DAB2IP: variants seen among roughly 807,000 people sequenced by gnomAD.
DAB2IP encodes the protein DAB2 interacting protein, also known as disabled homolog 2-interacting protein.
Under a neutral mutation model 107.2 loss-of-function variants are expected in DAB2IP, and 28 were observed. The observed-to-expected ratio is 0.26, with a 90% CI of 0.19 to 0.36. DAB2IP has a LOEUF of 0.36. Among genes scored for constraint, DAB2IP ranks in the 10% least tolerant of loss-of-function variants. The pLI is 1.00. For synonymous variants in DAB2IP, 755 were observed against 706.4 expected (o/e 1.07, Z -1.09); for missense variants, 1,400 against 1,644.7 (o/e 0.85, Z 2.57).
At chr9:121,682,231 G>A (rs950604381) in intron 2 of DAB2IP, among the ~76,000 whole-genome samples, 1 of 152,198 alleles carries the variant, frequency 6.6e-6, no homozygotes, top group African/African-American at 2.4e-5. Context: ...TTTGCTCTGT[G>A]TAGACCCTCG....
exon 13 of DAB2IP, chr9:121,774,340 C>G (rs199878545): frequency 1.2e-6 from 2 of 1,613,088 alleles, no homozygotes; most frequent in Non-Finnish European, 1.7e-6. Context: ...TGTTAGAAGA[C>G]GAGGGCCTGG....
intron 9 of DAB2IP, 74 bp downstream of exon 9, chr9:121,766,804 T>A (rs1834320233): frequency 1.1e-5 from 16 of 1,470,314 alleles, no homozygotes; most frequent in Non-Finnish European, 1.4e-5. Flanking sequence ...GGGGTGTTTC[T>A]GCCCCCAAGC....
intron 1 of DAB2IP, among the ~76,000 whole-genome samples, chr9:121,580,775 C>A (rs1440148219): frequency 6.6e-6 from 1 of 152,200 alleles, no homozygotes; most frequent in African/African-American, 2.4e-5. Context: ...CAGGCGCCAA[C>A]CACCACGCCC....
At chr9:121,595,280 G>A (rs1830505552) in intron 1 of DAB2IP, among the ~76,000 whole-genome samples, 2 of 151,686 alleles carry the variant, frequency 1.3e-5, no homozygotes, top group Admixed American at 6.6e-5. Flanking sequence ...AACACTGTGT[G>A]TCTCCTATCC....
rs572528255 is a variant in DAB2IP at position 121,743,123 on chromosome 9, G to A, written c.363-13890G>A. Among the ~76,000 whole-genome samples the A allele has an allele frequency of 3.5e-3, 526 of 152,264 alleles. 6 individuals are homozygous for A. The highest frequency in any genetic ancestry group is 3.6e-3 in the Non-Finnish European group (246 of 68,020). On this transcript the variant is annotated intron_variant, in intron 3 of 15. Coordinates refer to ENST00000408936, the Ensembl canonical transcript of DAB2IP. ...CAGCTGACTTGCATGAAGTCCTGGC[G>A]AGCTGGGGAGCCCTTGCACCCTCAG... is the stretch of plus-strand genomic sequence containing the variant.
At chr9:121,763,954 TG>T in intron 8 of DAB2IP, 75 bp downstream of exon 8, 1 of 1,566,082 alleles carries the variant, frequency 6.4e-7, no homozygotes, top group Non-Finnish European at 8.7e-7. Flanking sequence ...ACCCGCAGTG[TG>T]CCTGATGCTG....
intron 3 of DAB2IP, among the ~76,000 whole-genome samples, chr9:121,703,329 C>G (rs1267449607): frequency 6.6e-6 from 1 of 152,182 alleles, no homozygotes; most frequent in Non-Finnish European, 1.5e-5. Flanking sequence ...CAGGACTGGG[C>G]ACCCAAGTCT....
intron 1 of DAB2IP, among the ~76,000 whole-genome samples, chr9:121,656,779 C>T (rs538095795): frequency 6.6e-6 from 1 of 152,354 alleles, no homozygotes; most frequent in African/African-American, 2.4e-5. Flanking sequence ...TGATACTATC[C>T]TCATTTCATA....
chr9:121,781,597 G>A, intron 15 of DAB2IP, 46 bp downstream of exon 15: 1 of 1,580,026 alleles, frequency 6.3e-7, no homozygotes, highest in Non-Finnish European at 8.6e-7. Context: ...TAAAGGGCCT[G>A]GGATTAGGAG....
intron 1 of DAB2IP, among the ~76,000 whole-genome samples, chr9:121,642,037 T>TC (rs1832362760): frequency 5.9e-5 from 1 of 16,942 alleles, no homozygotes; most frequent in Non-Finnish European, 1.2e-4. Context: ...CTCTCTTTCT[T>TC]TCTTTCTTTC....
intron 3 of DAB2IP, among the ~76,000 whole-genome samples, chr9:121,712,301 C>T (rs151010563): frequency 2.0e-5 from 3 of 152,344 alleles, no homozygotes; most frequent in East Asian, 3.9e-4. Context: ...ATTCTTCTTG[C>T]TTTCTGTGGT....
At chr9:121,571,043 GCC>G (rs1344486133) in intron 1 of DAB2IP, among the ~76,000 whole-genome samples, 1 of 151,282 alleles carries the variant, frequency 6.6e-6, no homozygotes, top group Non-Finnish European at 1.5e-5. Context: ...CCTTCCTCAC[GCC>G]CCCAAGCTGT....
chr9:121,711,855 T>A (rs1449019898), intron 3 of DAB2IP, among the ~76,000 whole-genome samples: 3 of 151,930 alleles, frequency 2.0e-5, no homozygotes, highest in African/African-American at 7.3e-5. Flanking sequence ...GTGTAGGGGT[T>A]TATTCCCCTT....
intron 1 of DAB2IP, among the ~76,000 whole-genome samples, chr9:121,642,785 C>T (rs1361205197): frequency 6.6e-6 from 1 of 152,070 alleles, no homozygotes; most frequent in African/African-American, 2.4e-5. Flanking sequence ...TAATGAACAT[C>T]TGAATACACA....
Position 121,768,833 on chromosome 9 carries a change from A to C in DAB2IP, c.1899+200A>C, listed in dbSNP as rs535348935. Among the ~76,000 whole-genome samples the C allele has an allele frequency of 2.0e-5, 3 of 152,312 alleles. No homozygotes were observed. In the South Asian group the frequency reaches 6.2e-4, roughly 32 times the overall value. Reference sequence around the variant, plus strand: ...TATGTTCACTCAGCAGTATCTGCCAAGGCTGCCCCACTCTGGGTACTAGAG... The same window carrying C: ...TATGTTCACTCAGCAGTATCTGCCACGGCTGCCCCACTCTGGGTACTAGAG... On this transcript the variant is annotated intron_variant, in intron 10 of 15. Transcript: ENST00000408936.
At position 121,781,561 on chromosome 9, in the gene DAB2IP, C is replaced by CCGGCCCTTTA. The variant is rs776846452; in HGVS notation, c.3402+19_3402+20insACGGCCCTTT. 3.0e-4 allele frequency: 489 copies of CCGGCCCTTTA among 1,612,396 alleles called. No homozygotes were observed. Among genetic ancestry groups the CCGGCCCTTTA allele is most frequent in the Non-Finnish European group, 4.0e-4 (467 of 1,179,934 alleles). On this transcript the variant is annotated intron_variant, in intron 15 of 15. Transcript: ENST00000408936. ...GATCATTGATGCCCAGGTGGGGGCT[C>CCGGCCCTTTA]CGGCCCTTTGGTCAGCCACAAGAGT...
At chr9:121,625,665 C>CTTTT (rs71826972) in intron 1 of DAB2IP, among the ~76,000 whole-genome samples, 2 of 141,346 alleles carry the variant, frequency 1.4e-5, no homozygotes, top group Non-Finnish European at 1.5e-5. Context: ...GGGCTTTCTG[C>CTTTT]TTTTTTTTTT....
chr9:121,762,106 C>T (rs1057276934), intron 6 of DAB2IP, among the ~76,000 whole-genome samples: 35 of 152,152 alleles, frequency 2.3e-4, no homozygotes, highest in African/African-American at 8.4e-4. Context: ...ACCTAAGCCC[C>T]CACCCCTGGA....
At position 121,599,877 on chromosome 9, in the gene DAB2IP, G is replaced by T. The variant is rs1052385125; in HGVS notation, c.40+32649G>T. On this transcript the variant is annotated intron_variant, in intron 1 of 16. Coordinates refer to the DAB2IP transcript ENST00000259371. The surrounding 1 kb of genome is among the most constrained non-coding windows in gnomAD (Gnocchi z 6.9). ...GGGGGCTCCGATGCGAGGTGTTGGG[G>T]TAGGGGACTGAGGAATGGGCGGCGA... 1.3e-5 allele frequency among the ~76,000 whole-genome samples: 2 copies of T among 152,162 alleles called. No homozygotes were observed. Among genetic ancestry groups the T allele is most frequent in the African/African-American group, 4.8e-5 (2 of 41,450 alleles).
Sources: gnomAD v4.1 joint callset for allele counts (sites outside exome capture counted in the v4.1 genomes callset) on GRCh38, gnomAD v4.1.1 for gene constraint, Gnocchi (gnomAD v3.1) non-coding constraint, MANE v1.5 for transcripts, NCBI Gene and HGNC (gene_info 2026-07-23, HGNC 2026-07-21) for gene names.